DAB1: variants seen among roughly 807,000 people sequenced by gnomAD.
The protein encoded by DAB1 is disabled homolog 1.
DAB1 carries 15 observed loss-of-function variants against 64.6 expected under a neutral mutation model. The observed-to-expected ratio is 0.23, with a 90% CI of 0.16 to 0.36. The LOEUF is 0.36. DAB1 is among the 10% of genes least tolerant of loss of function. The pLI is 1.00. For synonymous variants in DAB1, 235 were observed against 251.9 expected (o/e 0.93, Z 0.64); for missense variants, 596 against 706.7 (o/e 0.84, Z 1.78).
At chr1:57,030,287 T>G (rs1557585297) in intron 9 of DAB1, among the ~76,000 whole-genome samples, 1 of 152,210 alleles carries the variant, frequency 6.6e-6, no homozygotes, top group Non-Finnish European at 1.5e-5. Context: ...TGAATACAAT[T>G]AAACCTCTTT....
intron 2 of DAB1, among the ~76,000 whole-genome samples, chr1:58,508,974 G>A (rs932389797): frequency 6.6e-6 from 1 of 152,080 alleles, no homozygotes; most frequent in African/African-American, 2.4e-5. Flanking sequence ...GACCAGACAG[G>A]ACCCTAGACA....
intron 3 of DAB1, among the ~76,000 whole-genome samples, chr1:58,344,598 G>A (rs1643974591): frequency 1.3e-5 from 2 of 152,126 alleles, no homozygotes; most frequent in Admixed American, 6.5e-5. Context: ...TAGATAATCC[G>A]AAAAGCCCCT....
intron 1 of DAB1, among the ~76,000 whole-genome samples, chr1:57,882,141 T>C (rs1194581690): frequency 6.6e-6 from 1 of 152,086 alleles, no homozygotes; most frequent in East Asian, 1.9e-4. Flanking sequence ...TGCTGCACAG[T>C]ATGATAGAGA....
intron 4 of DAB1, among the ~76,000 whole-genome samples, chr1:58,204,692 C>T: frequency 6.6e-6 from 1 of 152,156 alleles, no homozygotes; most frequent in Non-Finnish European, 1.5e-5. Context: ...TGTTTGAAGG[C>T]TGCTCCTGGG....
intron 5 of DAB1, among the ~76,000 whole-genome samples, chr1:57,901,713 C>G (rs547939635): frequency 6.6e-6 from 1 of 152,038 alleles, no homozygotes; most frequent in Non-Finnish European, 1.5e-5. Flanking sequence ...GTCTGTCAGG[C>G]GCTGAATTCA....
chr1:57,811,296 G>A (rs1163670390), intron 6 of DAB1, among the ~76,000 whole-genome samples: 2 of 152,208 alleles, frequency 1.3e-5, no homozygotes, highest in East Asian at 3.9e-4. Context: ...GATCACGGGG[G>A]TGGTTTCTCA....
chr1:57,449,632 G>T (rs1214729605), intron 7 of DAB1, among the ~76,000 whole-genome samples: 1 of 152,030 alleles, frequency 6.6e-6, no homozygotes, highest in Non-Finnish European at 1.5e-5. Context: ...TCCTGCCTGG[G>T]CCTCCCAAAA....
intron 4 of DAB1, among the ~76,000 whole-genome samples, chr1:58,266,606 C>T (rs890399371): frequency 2.0e-5 from 3 of 152,166 alleles, no homozygotes; most frequent in Non-Finnish European, 4.4e-5. Context: ...ATGTTTAGGG[C>T]AACCCTTTAT....
chr1:57,968,481 A>G (rs1307880821), intron 5 of DAB1, among the ~76,000 whole-genome samples: 1 of 152,136 alleles, frequency 6.6e-6, no homozygotes, highest in East Asian at 1.9e-4. Flanking sequence ...TTAAAAAACA[A>G]ACCTCTGTCT....
At chr1:58,114,395 A>G (rs1023511341) in intron 5 of DAB1, among the ~76,000 whole-genome samples, 1 of 152,240 alleles carries the variant, frequency 6.6e-6, no homozygotes, top group African/African-American at 2.4e-5. Context: ...CTAGTCCCGA[A>G]CAAAAAAATG....
intron 3 of DAB1, among the ~76,000 whole-genome samples, chr1:58,355,231 G>A (rs556589053): frequency 6.6e-6 from 1 of 152,246 alleles, no homozygotes; most frequent in South Asian, 2.1e-4. Flanking sequence ...CCTACCATGA[G>A]CCTTTTTCCA....
Position 57,054,638 on chromosome 1 carries a change from C to T in DAB1, c.723+8246G>A, listed in dbSNP as rs553811808. Among the ~76,000 whole-genome samples the T allele has an allele frequency of 1.4e-4, 22 of 152,050 alleles. 1 individual carries two copies. The highest frequency in any genetic ancestry group is 3.3e-4 in the Admixed American group (5 of 15,276). Reference sequence around the variant, plus strand: ...GACTGCAGGTACCCGCCACCACGCCCGGCTAATTTTTTTGTATTTTTAGTA... The same window carrying T: ...GACTGCAGGTACCCGCCACCACGCCTGGCTAATTTTTTTGTATTTTTAGTA... On this transcript the variant is annotated intron_variant, in intron 9 of 14. Coordinates refer to ENST00000371236, the MANE Select transcript of DAB1 (RefSeq NM_001365792.1).
intron 6 of DAB1, among the ~76,000 whole-genome samples, chr1:57,772,500 A>G (rs1235025749): frequency 6.6e-6 from 1 of 152,150 alleles, no homozygotes; most frequent in Non-Finnish European, 1.5e-5. Flanking sequence ...GTGCAGCTCT[A>G]TGTAAAGATA....
chr1:57,310,910 T>G (rs776887344), intron 1 of DAB1, among the ~76,000 whole-genome samples: 28 of 151,080 alleles, frequency 1.9e-4, no homozygotes, highest in Non-Finnish European at 3.7e-4. Context: ...AGGTGGGGAG[T>G]GTGTGAGCCT....
At chr1:57,703,221 C>G (rs1289712630) in intron 6 of DAB1, among the ~76,000 whole-genome samples, 1 of 152,004 alleles carries the variant, frequency 6.6e-6, no homozygotes, top group Non-Finnish European at 1.5e-5. Context: ...TTCTACATAG[C>G]AAAATAAACT....
chr1:57,265,034 G>T (rs929613841), intron 2 of DAB1, among the ~76,000 whole-genome samples: 1 of 152,086 alleles, frequency 6.6e-6, no homozygotes, highest in African/African-American at 2.4e-5. Context: ...TTCATTTTGC[G>T]GCTTAGAAAA....
chr1:57,349,466 T>C (rs1405148806), intron 1 of DAB1, among the ~76,000 whole-genome samples: 1 of 152,098 alleles, frequency 6.6e-6, no homozygotes, highest in Non-Finnish European at 1.5e-5. Context: ...GCCATATTTA[T>C]AAAACATGGA....
At chr1:57,403,246 T>C (rs1424932778) in intron 1 of DAB1, among the ~76,000 whole-genome samples, 3 of 152,150 alleles carry the variant, frequency 2.0e-5, no homozygotes, top group African/African-American at 4.8e-5. Flanking sequence ...TGTGGATCCA[T>C]TGGGAAAAAG....
chr1:57,103,122 C>T (rs189890621), intron 4 of DAB1, among the ~76,000 whole-genome samples: 1 of 152,034 alleles, frequency 6.6e-6, no homozygotes, highest in Non-Finnish European at 1.5e-5. Context: ...TGGGTGCTAA[C>T]AGCTGGAAGC....
Sources: allele counts gnomAD v4.1 joint callset (sites outside exome capture counted in the v4.1 genomes callset), GRCh38; gene constraint gnomAD v4.1.1; transcripts MANE v1.5; gene names NCBI Gene and HGNC (gene_info 2026-07-23, HGNC 2026-07-21).